The following LINGO2 variants were observed in gnomAD, a reference collection of about 807,000 sequenced individuals.
The protein encoded by LINGO2 is leucine rich repeat and Ig domain containing 2.
Under a neutral mutation model 30.6 loss-of-function variants are expected in LINGO2, and 14 were observed. That is an observed-to-expected ratio of 0.46 (90% CI 0.30 to 0.72). The LOEUF (loss-of-function observed/expected upper bound fraction) is 0.72. Ranked by LOEUF, LINGO2 falls within the 30% of genes least tolerant of loss-of-function variation. The pLI is 0.07. For missense variants in LINGO2, 729 were observed against 751.7 expected, an observed-to-expected ratio of 0.97 and a Z score of 0.35; for synonymous variants, 317 against 288.5, an observed-to-expected ratio of 1.10 and a Z score of -1.00.
intron 4 of LINGO2, among the ~76,000 whole-genome samples, chr9:28,271,024 A>G (rs1310602295): frequency 2.6e-5 from 4 of 152,218 alleles, no homozygotes; most frequent in South Asian, 2.1e-4. Context: ...GGATCATCAG[A>G]AGCATGAGCA....
the LINGO2 span, among the ~76,000 whole-genome samples, chr9:28,954,558 T>C: frequency 6.6e-6 from 1 of 152,156 alleles, no homozygotes; most frequent in East Asian, 1.9e-4. Context: ...CCAGATTGAA[T>C]TGTGCTAAGA....
At chr9:28,787,669 T>G in the LINGO2 span, among the ~76,000 whole-genome samples, 844 of 152,264 alleles carry the variant, frequency 5.5e-3, 7 homozygotes, top group African/African-American at 0.02. Context: ...CTTAGTATGA[T>G]TATTCCTAAC....
intron 1 of LINGO2, among the ~76,000 whole-genome samples, chr9:28,573,716 T>C (rs1429069402): frequency 2.0e-5 from 3 of 152,200 alleles, no homozygotes; most frequent in African/African-American, 7.2e-5. Context: ...TGATATTTTA[T>C]TATTTGTTGT....
chr9:29,141,776 T>C, the LINGO2 span, among the ~76,000 whole-genome samples: 99 of 151,596 alleles, frequency 6.5e-4, no homozygotes, highest in African/African-American at 2.2e-3. Context: ...CAAAATAGAT[T>C]TGAGGTAAAA....
the LINGO2 span, among the ~76,000 whole-genome samples, chr9:28,745,933 T>C: frequency 1.3e-5 from 2 of 152,052 alleles, no homozygotes; most frequent in African/African-American, 2.4e-5. Flanking sequence ...ATTTCAACTT[T>C]GCTCCACACA....
the LINGO2 span, among the ~76,000 whole-genome samples, chr9:28,926,327 A>T: frequency 6.6e-6 from 1 of 152,158 alleles, no homozygotes; most frequent in East Asian, 1.9e-4. Flanking sequence ...AAAAGAAAAG[A>T]AAAGAAAAAA....
intron 4 of LINGO2, among the ~76,000 whole-genome samples, chr9:28,065,610 C>A (rs956231556): frequency 1.3e-5 from 2 of 152,098 alleles, no homozygotes; most frequent in Non-Finnish European, 2.9e-5. Flanking sequence ...AAGATAGATT[C>A]ATGACACTGG....
the LINGO2 span, among the ~76,000 whole-genome samples, chr9:29,002,354 G>T: frequency 6.6e-6 from 1 of 151,996 alleles, no homozygotes; most frequent in Admixed American, 6.6e-5. Flanking sequence ...TGTCTCAGGA[G>T]GGTACAGAGG....
At position 28,666,373 on chromosome 9, in the gene LINGO2, G is replaced by A. The variant is rs577723568; in HGVS notation, c.-365+3827C>T. Among the ~76,000 whole-genome samples, 26 of 152,032 alleles carry A rather than the reference G, an allele frequency of 1.7e-4. No individual in the cohort carries two copies. In the East Asian group the frequency reaches 3.1e-3, roughly 18 times the overall value. The stretch of plus-strand genomic sequence containing the variant: ...AAGACTTTCCTTTGAAAATAACTCC[G>A]GTTTTATCCAATACATGAAAAGAAG... On this transcript the variant is annotated intron_variant, in intron 1 of 5. Transcript: ENST00000379992.
the LINGO2 span, among the ~76,000 whole-genome samples, chr9:29,040,579 G>T: frequency 6.6e-6 from 1 of 150,512 alleles, no homozygotes; most frequent in African/African-American, 2.4e-5. Flanking sequence ...AAAAAAAAGA[G>T]ATACATAATT....
chr9:29,057,619 T>C, the LINGO2 span, among the ~76,000 whole-genome samples: 3 of 152,064 alleles, frequency 2.0e-5, no homozygotes, highest in African/African-American at 7.2e-5. Flanking sequence ...CTTGAATTTG[T>C]GAGATGGTGT....
intron 1 of LINGO2, among the ~76,000 whole-genome samples, chr9:28,595,382 T>C (rs192214845): frequency 6.6e-6 from 1 of 152,212 alleles, no homozygotes; most frequent in East Asian, 1.9e-4. Context: ...ATGATCTGGA[T>C]AGGTTTTCTA....
At chr9:28,533,859 T>C (rs1235306055) in intron 1 of LINGO2, among the ~76,000 whole-genome samples, 1 of 152,152 alleles carries the variant, frequency 6.6e-6, no homozygotes, top group Non-Finnish European at 1.5e-5. Flanking sequence ...GTGGTAGTGA[T>C]TTTTCTGTTC....
chr9:28,173,218 T>C (rs1828651754), intron 4 of LINGO2, among the ~76,000 whole-genome samples: 4 of 152,212 alleles, frequency 2.6e-5, no homozygotes, highest in Admixed American at 2.6e-4. Context: ...ACAACAACAA[T>C]TAAGCATCCA....
Position 28,652,376 on chromosome 9 carries a change from T to C in LINGO2, c.-365+17824A>G, listed in dbSNP as rs563557151. ...AAAATCTTACCAAAAAGAAGCTTGATACTGCTTAATCCCACTTTAAGTTCT... is the reference window on the plus strand; with the variant it reads ...AAAATCTTACCAAAAAGAAGCTTGACACTGCTTAATCCCACTTTAAGTTCT... On this transcript the variant is annotated intron_variant, in intron 1 of 5. Transcript: ENST00000379992. 4.6e-5 allele frequency among the ~76,000 whole-genome samples: 7 copies of C among 152,302 alleles called. No homozygotes were observed. In the East Asian group the frequency reaches 5.8e-4, roughly 13 times the overall value.
At chr9:28,587,257 A>G (rs1006750961) in intron 1 of LINGO2, among the ~76,000 whole-genome samples, 1 of 152,046 alleles carries the variant, frequency 6.6e-6, no homozygotes. Flanking sequence ...CTAACTCAGC[A>G]TTAATGAAAT....
intron 4 of LINGO2, among the ~76,000 whole-genome samples, chr9:28,089,433 A>G (rs934055637): frequency 5.9e-5 from 9 of 152,196 alleles, no homozygotes; most frequent in Admixed American, 5.9e-4. Flanking sequence ...GCTCAACTAC[A>G]TGGAAACTGA....
Position 28,232,224 on chromosome 9 carries a change from C to A in LINGO2, c.-87+62984G>T, listed in dbSNP as rs1271857798. On this transcript the variant is annotated intron_variant, in intron 4 of 5. Transcript: ENST00000379992. ...GACCAGTCTGGCCATCATGATGAAACCTTGTCTCTACTAAAATTACAAAAA... is the reference window on the plus strand; with the variant it reads ...GACCAGTCTGGCCATCATGATGAAAACTTGTCTCTACTAAAATTACAAAAA... Among the ~76,000 whole-genome samples the A allele has an allele frequency of 5.9e-5, 9 of 151,846 alleles. No homozygotes were observed. The East Asian group carries it at 9.7e-4, about 16-fold the overall frequency.
chr9:28,003,951 G>T (rs1822121304), intron 5 of LINGO2, among the ~76,000 whole-genome samples: 1 of 152,134 alleles, frequency 6.6e-6, no homozygotes, highest in African/African-American at 2.4e-5. Flanking sequence ...TGCAAACATT[G>T]CTGGTTGAAT....
Sources: allele counts gnomAD v4.1 joint callset (sites outside exome capture counted in the v4.1 genomes callset), GRCh38; gene constraint gnomAD v4.1.1; transcripts MANE v1.5; gene names NCBI Gene and HGNC (gene_info 2026-07-23, HGNC 2026-07-21).